The following DSCAM variants were observed in gnomAD, a reference collection of about 807,000 sequenced individuals.
The protein encoded by DSCAM is cell adhesion molecule DSCAM.
DSCAM carries 47 observed loss-of-function variants against 217.7 expected under a neutral mutation model. That is an observed-to-expected ratio of 0.22 (90% CI 0.17 to 0.28). DSCAM has a LOEUF of 0.28. DSCAM is among the 10% of genes least tolerant of loss of function. The pLI is 1.00. For synonymous variants in DSCAM, 1,056 were observed against 1,015.3 expected, an observed-to-expected ratio of 1.04 and a Z score of -0.76; for missense variants, 2,080 against 2,618.3, an observed-to-expected ratio of 0.79 and a Z score of 4.49.
At chr21:40,775,598 C>G (rs913794313) in intron 1 of DSCAM, among the ~76,000 whole-genome samples, 5 of 152,150 alleles carry the variant, frequency 3.3e-5, no homozygotes, top group Admixed American at 6.6e-5. Context: ...TCTCTGAGAG[C>G]TGGGACAGAT....
chr21:40,371,092 T>C (rs1279906047), intron 3 of DSCAM, among the ~76,000 whole-genome samples: 2 of 152,204 alleles, frequency 1.3e-5, no homozygotes, highest in African/African-American at 4.8e-5. Context: ...GTATAAAATA[T>C]CTTTAAAGTA....
At chr21:40,843,600 C>T (rs556510101) in intron 1 of DSCAM, among the ~76,000 whole-genome samples, 30 of 151,966 alleles carry the variant, frequency 2.0e-4, no homozygotes, top group Non-Finnish European at 3.8e-4. Context: ...GAGAAGACAC[C>T]GAGGGACGTG....
chr21:40,711,414 A>G (rs1206433645), intron 1 of DSCAM, among the ~76,000 whole-genome samples: 1 of 152,200 alleles, frequency 6.6e-6, no homozygotes, highest in African/African-American at 2.4e-5. Flanking sequence ...TCTTATAATA[A>G]TAAGATTTAA....
At chr21:40,746,413 T>C (rs138056588) in intron 1 of DSCAM, among the ~76,000 whole-genome samples, 2 of 144,804 alleles carry the variant, frequency 1.4e-5, no homozygotes, top group East Asian at 4.0e-4. Context: ...TTATATCAGA[T>C]AAAATAGACT....
chr21:40,361,361 C>T (rs1033089436), intron 4 of DSCAM, among the ~76,000 whole-genome samples: 3 of 152,168 alleles, frequency 2.0e-5, no homozygotes, highest in African/African-American at 4.8e-5. Context: ...CGGCTCACGC[C>T]TGTAATCCCA....
intron 11 of DSCAM, among the ~76,000 whole-genome samples, chr21:40,269,363 C>T (rs896022458): frequency 9.9e-5 from 15 of 152,180 alleles, no homozygotes; most frequent in Admixed American, 3.9e-4. Flanking sequence ...GTCTGCCCAT[C>T]CTTCAATCAA....
chr21:40,789,591 T>G (rs1320200141), intron 1 of DSCAM, among the ~76,000 whole-genome samples: 1 of 148,610 alleles, frequency 6.7e-6, no homozygotes, highest in African/African-American at 2.5e-5. Context: ...AGTCTTGCAC[T>G]GTTGCCCAGG....
intron 1 of DSCAM, among the ~76,000 whole-genome samples, chr21:40,821,273 T>C (rs2091924813): frequency 6.6e-6 from 1 of 152,088 alleles, no homozygotes; most frequent in Non-Finnish European, 1.5e-5. Flanking sequence ...TGCACACAGC[T>C]TTGCTCTGAG....
At chr21:40,018,407 G>C (rs11701835) in intron 32 of DSCAM, among the ~76,000 whole-genome samples, 18,984 of 151,672 alleles carry the variant, frequency 0.13, 1,586 homozygotes, top group Non-Finnish European at 0.19. Context: ...TATATTTGAG[G>C]AAATGGGACA....
rs1160277722 is a variant in DSCAM, at chr21:40,803,131, T to C, written c.43+43488A>G. ...AAAATAATACTCATTCCTAAATTTC[T>C]TGCCCCTAAATTTCTTTCCTCAAGT... On this transcript the variant is annotated intron_variant, in intron 1 of 32. Coordinates refer to ENST00000400454, the MANE Select transcript of DSCAM (RefSeq NM_001389.5). 4.6e-5 allele frequency among the ~76,000 whole-genome samples: 7 copies of C among 152,240 alleles called. 1 individual carries two copies. The highest frequency in any genetic ancestry group is 7.3e-5 in the Non-Finnish European group (5 of 68,046).
At chr21:40,464,799 G>A (rs192816934) in intron 3 of DSCAM, among the ~76,000 whole-genome samples, 6 of 150,326 alleles carry the variant, frequency 4.0e-5, no homozygotes, top group African/African-American at 1.5e-4. Flanking sequence ...GGAGCACGGT[G>A]GTGCAATCTC....
chr21:40,079,587 TCTC>T (rs1284793911), intron 25 of DSCAM, among the ~76,000 whole-genome samples: 1 of 152,024 alleles, frequency 6.6e-6, no homozygotes, highest in African/African-American at 2.4e-5. Context: ...TGCAAAGACA[TCTC>T]CTCACCTTCT....
intron 3 of DSCAM, among the ~76,000 whole-genome samples, chr21:40,648,625 CTAAT>C (rs1410562640): frequency 6.6e-6 from 1 of 152,148 alleles, no homozygotes; most frequent in Non-Finnish European, 1.5e-5. Flanking sequence ...CTATCCTTTC[CTAAT>C]TAGTTTTCTA....
chr21:40,161,834 A>G (rs941385329), intron 16 of DSCAM, among the ~76,000 whole-genome samples: 1 of 152,210 alleles, frequency 6.6e-6, no homozygotes, highest in Non-Finnish European at 1.5e-5. Context: ...TAGCCTAAAG[A>G]TTAAAGTGAT....
At chr21:40,791,858 G>C (rs1407422862) in intron 1 of DSCAM, among the ~76,000 whole-genome samples, 1 of 152,076 alleles carries the variant, frequency 6.6e-6, no homozygotes, top group Non-Finnish European at 1.5e-5. Context: ...TTTCCCCACA[G>C]CTCACTGAAT....
intron 3 of DSCAM, among the ~76,000 whole-genome samples, chr21:40,436,075 T>C (rs1024510334): frequency 1.5e-4 from 23 of 152,316 alleles, no homozygotes; most frequent in African/African-American, 5.5e-4. Context: ...TGATGTTCAA[T>C]ATGTTAGGCA....
chr21:40,164,942 A>C (rs924847361), intron 16 of DSCAM, among the ~76,000 whole-genome samples: 3 of 152,234 alleles, frequency 2.0e-5, no homozygotes, highest in African/African-American at 7.2e-5. Context: ...CAGAAAGGCC[A>C]CCAAAGTGCC....
chr21:40,419,048 G>A (rs570994346), intron 3 of DSCAM, among the ~76,000 whole-genome samples: 5 of 152,048 alleles, frequency 3.3e-5, no homozygotes, highest in Non-Finnish European at 7.4e-5. Context: ...TCGGCCCACT[G>A]CAAACTCTGC....
chr21:40,603,799 A>G (rs2077080730), intron 3 of DSCAM, among the ~76,000 whole-genome samples: 1 of 152,090 alleles, frequency 6.6e-6, no homozygotes, highest in Non-Finnish European at 1.5e-5. Flanking sequence ...AAAGTCCAGT[A>G]TAATTCTTAG....
Sources: gnomAD v4.1 joint callset for allele counts (sites outside exome capture counted in the v4.1 genomes callset) on GRCh38, gnomAD v4.1.1 for gene constraint, MANE v1.5 for transcripts, NCBI Gene and HGNC (gene_info 2026-07-23, HGNC 2026-07-21) for gene names.